The following GPC5 variants were observed in gnomAD, a reference collection of about 807,000 sequenced individuals.
GPC5 encodes glypican 5.
GPC5 carries 47 observed loss-of-function variants against 53.9 expected under a neutral mutation model. The ratio of observed to expected loss-of-function variants is 0.87; its 90% CI spans 0.69 to 1.11. The LOEUF (loss-of-function observed/expected upper bound fraction) is 1.11, where lower values mean the gene tolerates loss of function less well. Among genes scored for constraint, GPC5 ranks in the 50% most tolerant of loss-of-function variants. The pLI is 0.00. For synonymous variants in GPC5, 286 were observed against 263.3 expected, an observed-to-expected ratio of 1.09 and a Z score of -0.84; for missense variants, 748 against 713.1, an observed-to-expected ratio of 1.05 and a Z score of -0.56.
At chr13:91,900,782 T>G (rs1205591605) in intron 5 of GPC5, among the ~76,000 whole-genome samples, 1 of 152,150 alleles carries the variant, frequency 6.6e-6, no homozygotes, top group Non-Finnish European at 1.5e-5. Context: ...TAATTTTTTT[T>G]GAAATGACAG....
At chr13:92,247,175 A>G (rs2042657772) in intron 7 of GPC5, among the ~76,000 whole-genome samples, 1 of 152,164 alleles carries the variant, frequency 6.6e-6, no homozygotes, top group African/African-American at 2.4e-5. Flanking sequence ...AAAAGAAAAT[A>G]AAGATGACTG....
chr13:91,473,803 C>A (rs1882772651), intron 2 of GPC5, among the ~76,000 whole-genome samples: 1 of 152,052 alleles, frequency 6.6e-6, no homozygotes. Context: ...GTTAGTTGGG[C>A]AAGGATAGTA....
intron 7 of GPC5, among the ~76,000 whole-genome samples, chr13:92,583,316 C>T (rs1054538042): frequency 6.6e-6 from 1 of 152,212 alleles, no homozygotes; most frequent in Admixed American, 6.5e-5. Flanking sequence ...TGAACCATAA[C>T]TGCATCCCAG....
intron 6 of GPC5, among the ~76,000 whole-genome samples, chr13:91,967,043 T>A (rs532084158): frequency 1.3e-5 from 2 of 152,300 alleles, no homozygotes; most frequent in South Asian, 4.1e-4. Flanking sequence ...GAGTAATTTA[T>A]AAAGAAAAAG....
intron 7 of GPC5, among the ~76,000 whole-genome samples, chr13:92,548,371 G>C (rs1184422744): frequency 6.6e-6 from 1 of 151,116 alleles, no homozygotes; most frequent in Non-Finnish European, 1.5e-5. Context: ...GGCAATACCT[G>C]TATATTAAAA....
chr13:92,808,023 T>C (rs1877162726), intron 7 of GPC5, among the ~76,000 whole-genome samples: 1 of 152,100 alleles, frequency 6.6e-6, no homozygotes, highest in African/African-American at 2.4e-5. Context: ...GACTGACTAG[T>C]TATATGAATA....
chr13:91,422,789 A>AATAT (rs1878737116), intron 1 of GPC5, among the ~76,000 whole-genome samples: 2 of 152,142 alleles, frequency 1.3e-5, no homozygotes, highest in African/African-American at 4.8e-5. Context: ...TTCATGAGAG[A>AATAT]GAGCCAATAT....
chr13:92,302,927 TG>T (rs1239558151), intron 7 of GPC5, among the ~76,000 whole-genome samples: 2 of 152,236 alleles, frequency 1.3e-5, no homozygotes, highest in Non-Finnish European at 2.9e-5. Context: ...ACCTTTTTAC[TG>T]TCTCTATACT....
chr13:91,458,987 C>T (rs1159728611), intron 2 of GPC5, among the ~76,000 whole-genome samples: 1 of 151,888 alleles, frequency 6.6e-6, no homozygotes, highest in African/African-American at 2.4e-5. Flanking sequence ...TATGTTCTCA[C>T]TGATAAGTGG....
At position 91,628,258 on chromosome 13, in the gene GPC5, CTT is replaced by C. The variant is rs5805710; in HGVS notation, c.326-64921_326-64920del. Among the ~76,000 whole-genome samples the C allele has an allele frequency of 4.4e-3, 659 of 151,444 alleles. 1 individual carries two copies. The highest frequency in any genetic ancestry group is 8.0e-3 in the Admixed American group (121 of 15,206). On this transcript the variant is annotated intron_variant, in intron 2 of 7. Coordinates refer to ENST00000377067, the MANE Select transcript of GPC5 (RefSeq NM_004466.6). Reference sequence around the variant, plus strand: ...TTTAAGTGCTTTGTCCTAGTTATAGCTTTTTTTTTCCATTAAGTTATCACAAT... The same window carrying C: ...TTTAAGTGCTTTGTCCTAGTTATAGCTTTTTTTCCATTAAGTTATCACAAT...
intron 2 of GPC5, among the ~76,000 whole-genome samples, chr13:91,559,414 G>T (rs1258927107): frequency 6.6e-6 from 1 of 152,142 alleles, no homozygotes; most frequent in African/African-American, 2.4e-5. Flanking sequence ...GAACCAGGGA[G>T]CTTCTATGAT....
chr13:92,704,476 A>C (rs1887874739), intron 7 of GPC5, among the ~76,000 whole-genome samples: 1 of 152,024 alleles, frequency 6.6e-6, no homozygotes, highest in African/African-American at 2.4e-5. Flanking sequence ...AACCCTTTTG[A>C]AGATGATTTT....
At chr13:91,742,387 A>T (rs1415310060) in intron 4 of GPC5, among the ~76,000 whole-genome samples, 1 of 152,196 alleles carries the variant, frequency 6.6e-6, no homozygotes, top group Non-Finnish European at 1.5e-5. Context: ...GCTCCACCTA[A>T]AACTAATATT....
chr13:92,243,287 G>T (rs2139118673), intron 7 of GPC5, among the ~76,000 whole-genome samples: 1 of 152,202 alleles, frequency 6.6e-6, no homozygotes, highest in East Asian at 1.9e-4. Context: ...CTTAATATTT[G>T]TCAGATGATC....
chr13:91,917,939 G>A (rs778964546), intron 6 of GPC5, among the ~76,000 whole-genome samples: 11 of 152,060 alleles, frequency 7.2e-5, no homozygotes, highest in African/African-American at 2.2e-4. Flanking sequence ...CCACATTTTC[G>A]GGTATATCTT....
At chr13:91,534,818 C>A (rs537676743) in intron 2 of GPC5, among the ~76,000 whole-genome samples, 2 of 152,224 alleles carry the variant, frequency 1.3e-5, no homozygotes, top group South Asian at 4.1e-4. Flanking sequence ...GTACATAGCC[C>A]AGTCCATGGC....
At chr13:92,451,148 C>T (rs1430305468) in intron 7 of GPC5, among the ~76,000 whole-genome samples, 4 of 152,206 alleles carry the variant, frequency 2.6e-5, no homozygotes, top group African/African-American at 4.8e-5. Context: ...GACCCAAGTA[C>T]GTAGCTGTTC....
At chr13:92,443,788 G>T (rs958466316) in intron 7 of GPC5, among the ~76,000 whole-genome samples, 2 of 152,192 alleles carry the variant, frequency 1.3e-5, no homozygotes, top group African/African-American at 2.4e-5. Flanking sequence ...AAGCATTAGT[G>T]CAGGTGGCCA....
At chr13:92,078,411 G>A (rs1338933854) in intron 6 of GPC5, among the ~76,000 whole-genome samples, 1 of 152,194 alleles carries the variant, frequency 6.6e-6, no homozygotes, top group African/African-American at 2.4e-5. Context: ...TAAACTTCCT[G>A]TAAAGTGATA....
Sources: gnomAD v4.1 joint callset for allele counts (sites outside exome capture counted in the v4.1 genomes callset) on GRCh38, gnomAD v4.1.1 for gene constraint, MANE v1.5 for transcripts, NCBI Gene and HGNC (gene_info 2026-07-23, HGNC 2026-07-21) for gene names.